Variants in CES4A observed in about 807,000 individuals in gnomAD.
CES4A encodes the protein carboxylesterase 4A.
CES4A carries 48 observed loss-of-function variants against 65.4 expected under a neutral mutation model. That is an observed-to-expected ratio of 0.73 (90% CI 0.58 to 0.93). The LOEUF is 0.93. Among genes scored for constraint, CES4A ranks in the 40% least tolerant of loss-of-function variants. CES4A has a pLI of 0.00. For synonymous variants in CES4A, 247 were observed against 281.8 expected (o/e 0.88, Z 1.24); for missense variants, 685 against 728.5 (o/e 0.94, Z 0.69).
At chr16:66,995,506 G>C in intron 1 of CES4A, 122 bp from the exon 2 acceptor site, 1 of 799,840 alleles carries the variant, frequency 1.3e-6, no homozygotes. Flanking sequence ...CTGCGCAGGG[G>C]TGACCCTTTT....
At chr16:67,009,070 C>T in exon 14 of CES4A, 1 of 1,614,182 alleles carries the variant, frequency 6.2e-7, no homozygotes, top group South Asian at 1.1e-5. Flanking sequence ...GCATGAAGCT[C>T]AAGGAGAAGA....
At chr16:66,994,516 G>T (rs986064938) in intron 1 of CES4A, among the ~76,000 whole-genome samples, 19 of 150,592 alleles carry the variant, frequency 1.3e-4, no homozygotes, top group African/African-American at 4.6e-4. Context: ...CAGCCGACAT[G>T]AACTTTTATA....
At chr16:66,999,671 G>A (rs1245129700) in intron 2 of CES4A, among the ~76,000 whole-genome samples, 5 of 152,188 alleles carry the variant, frequency 3.3e-5, no homozygotes, top group South Asian at 2.1e-4. Flanking sequence ...GTGTGATGGC[G>A]CGTGCCTGTA....
At chr16:66,993,958 G>A (rs1449522992) in intron 1 of CES4A, among the ~76,000 whole-genome samples, 4 of 151,274 alleles carry the variant, frequency 2.6e-5, no homozygotes, top group African/African-American at 9.7e-5. Flanking sequence ...AAAATTAGCC[G>A]GGCATGGTGG....
At chr16:66,995,276 C>G (rs113250390) in intron 1 of CES4A, among the ~76,000 whole-genome samples, 1 of 151,682 alleles carries the variant, frequency 6.6e-6, no homozygotes, top group Non-Finnish European at 1.5e-5. Context: ...CGCCACTGCA[C>G]TCCAGCCTGG....
chr16:67,008,273 T>C (rs1965925104), intron 13 of CES4A: 1 of 152,264 alleles, frequency 6.6e-6, no homozygotes, highest in Non-Finnish European at 1.5e-5. Context: ...TGTTTAAAAC[T>C]CTTCATGGCT....
intron 2 of CES4A, among the ~76,000 whole-genome samples, chr16:66,997,948 AACACACACACACACACACACAC>A (rs57562021): frequency 0.013 from 1,628 of 127,376 alleles, 17 homozygotes; most frequent in African/African-American, 0.021. Flanking sequence ...CCCTATCTAA[AACACACACACACACACACACAC>A]ACACACACAC....
chr16:66,994,882 T>C (rs2145590847), intron 1 of CES4A, among the ~76,000 whole-genome samples: 1 of 150,182 alleles, frequency 6.7e-6, no homozygotes, highest in Middle Eastern at 3.5e-3. Flanking sequence ...TGTGTGTCTG[T>C]AGTCCCAGCT....
At chr16:66,995,673 C>G in exon 2 of CES4A, 1 of 1,614,192 alleles carries the variant, frequency 6.2e-7, no homozygotes, top group Non-Finnish European at 8.5e-7. Flanking sequence ...AAATATGGAA[C>G]CCTGCAAGGA....
At chr16:67,006,436 G>T in exon 12 of CES4A, 1 of 1,536,560 alleles carries the variant, frequency 6.5e-7, no homozygotes, top group South Asian at 1.2e-5. Context: ...CACCACGCTC[G>T]TGGAATAATC....
chr16:66,998,110 G>T (rs1263912776), intron 2 of CES4A, among the ~76,000 whole-genome samples: 1 of 151,986 alleles, frequency 6.6e-6, no homozygotes, highest in Non-Finnish European at 1.5e-5. Flanking sequence ...CAGCACATCA[G>T]TGGTGTGAAG....
At chr16:66,989,824 C>T (rs979865240) in intron 1 of CES4A, among the ~76,000 whole-genome samples, 21 of 151,374 alleles carry the variant, frequency 1.4e-4, no homozygotes, top group Non-Finnish European at 2.4e-4. Context: ...CATTGCACTC[C>T]AGCCTGGGCA....
chr16:67,007,907 A>G (rs974869761), intron 13 of CES4A: 3 of 150,862 alleles, frequency 2.0e-5, no homozygotes, highest in African/African-American at 7.3e-5. Flanking sequence ...GCCTCAGCCT[A>G]CCGAGTAGCT....
exon 13 of CES4A, chr16:67,006,782 G>C (rs1183008869): frequency 6.2e-7 from 1 of 1,614,184 alleles, no homozygotes; most frequent in Non-Finnish European, 8.5e-7. Context: ...TTAGCCTCCA[G>C]ATGATGAAAT....
chr16:66,992,975 C>G (rs1315962296), intron 1 of CES4A, among the ~76,000 whole-genome samples: 1 of 151,984 alleles, frequency 6.6e-6, no homozygotes, highest in Non-Finnish European at 1.5e-5. Context: ...CGTGAGCCAC[C>G]GTGCCCAGCC....
intron 1 of CES4A, 106 bp from the exon 2 acceptor site, chr16:66,995,522 C>T (rs1964769593): frequency 1.1e-6 from 1 of 943,198 alleles, no homozygotes; most frequent in Admixed American, 1.9e-5. Context: ...CTTTTCCCCT[C>T]TCTTTCCAGG....
Position 67,003,343 on chromosome 16 carries a change from C to A in CES4A, c.883C>A (p.Arg295Ser). Residue 295 changes from arginine (R) to serine (S), a missense_variant, in exon 7 of 14, where the codon CGT becomes AGT. Coordinates refer to ENST00000648724, the Ensembl canonical transcript of CES4A. This position sits in a 1 kb window ranked among gnomAD's most constrained non-coding sequence, Gnocchi z 4.2. ...GGCACTATCAGGGACCAAGGTGATG[C>A]GTGTGTCCAACAAGATGGTAGGTAG... 1 of 1,613,866 alleles carries A rather than the reference C, an allele frequency of 6.2e-7. No homozygotes were observed. The highest frequency in any genetic ancestry group is 8.5e-7 in the Non-Finnish European group (1 of 1,179,874).
intron 1 of CES4A, among the ~76,000 whole-genome samples, chr16:66,991,591 C>T (rs985656211): frequency 6.6e-6 from 1 of 152,218 alleles, no homozygotes; most frequent in African/African-American, 2.4e-5. Context: ...ATGGGGACCA[C>T]TCCATGGCAG....
chr16:67,001,085 G>C lies in CES4A; in HGVS notation c.536+95G>C, dbSNP rs1370800945. ...GGCGGGGCCTGGGGCGGGGATGGGGGGGGTGGGGCCGCGAGGCGGGGGCGG... is the reference window on the plus strand; with the variant it reads ...GGCGGGGCCTGGGGCGGGGATGGGGCGGGTGGGGCCGCGAGGCGGGGGCGG... On this transcript the variant is annotated intron_variant, in intron 4 of 13. Coordinates refer to ENST00000648724, the Ensembl canonical transcript of CES4A. The surrounding 1 kb of genome is among the most constrained non-coding windows in gnomAD (Gnocchi z 4.1). The C allele has an allele frequency of 2.7e-6, 3 of 1,106,790 alleles. No individual in the cohort carries two copies. The highest frequency in any genetic ancestry group is 1.6e-5 in the African/African-American group (1 of 63,098). The allele number at this position is 1,106,790 out of a possible 1,614,324, so 68.6% of individuals were successfully genotyped here. A position where few individuals can be genotyped will look rare whatever the true frequency, so the allele number is the denominator to read the frequency against.
Sources: allele counts gnomAD v4.1 joint callset (sites outside exome capture counted in the v4.1 genomes callset), GRCh38; gene constraint gnomAD v4.1.1; non-coding constraint Gnocchi (gnomAD v3.1); transcripts MANE v1.5; gene names NCBI Gene and HGNC (gene_info 2026-07-23, HGNC 2026-07-21).